The following OXR1 variants were observed in gnomAD, a reference collection of about 807,000 sequenced individuals.
The protein encoded by OXR1 is oxidation resistance protein 1.
A neutral mutation model predicts 104.6 loss-of-function variants in OXR1; 41 were observed. The observed-to-expected ratio is 0.39, with a 90% CI of 0.31 to 0.51. The LOEUF is 0.51. Among genes scored for constraint, OXR1 ranks in the 20% least tolerant of loss-of-function variants. The probability of loss-of-function intolerance (pLI) is 0.77; values close to 1 mark genes in which losing one functional copy is unlikely to be tolerated. For synonymous variants in OXR1, 348 were observed against 348.4 expected (o/e 1.00, Z 0.01); for missense variants, 955 against 1,031.9 (o/e 0.93, Z 1.02).
chr8:106,444,096 C>T (rs1184236427), intron 2 of OXR1, among the ~76,000 whole-genome samples: 1 of 152,044 alleles, frequency 6.6e-6, no homozygotes, highest in East Asian at 1.9e-4. Context: ...AAAAAAAGCT[C>T]AATATGACTG....
In OXR1 at chr8:106,428,077, G is replaced by A. The variant is rs565131846; in HGVS notation, c.23+68441G>A. Among the ~76,000 whole-genome samples the A allele has an allele frequency of 1.1e-4, 16 of 152,132 alleles. No homozygotes were observed. The South Asian group carries it at 3.3e-3, about 32-fold the overall frequency. On this transcript the variant is annotated intron_variant, in intron 2 of 16. Transcript: ENST00000517566. ...GTGGGTGGCTGGTGGCTACCCTATTGGAAGCATAGTTATAAGCAATGGCTT... is the reference window on the plus strand; with the variant it reads ...GTGGGTGGCTGGTGGCTACCCTATTAGAAGCATAGTTATAAGCAATGGCTT...
intron 2 of OXR1, among the ~76,000 whole-genome samples, chr8:106,461,501 G>C (rs1362166504): frequency 2.0e-5 from 3 of 152,108 alleles, no homozygotes; most frequent in African/African-American, 4.8e-5. Context: ...GGAGGTGAAG[G>C]TTACAGTGAG....
chr8:106,460,741 A>G (rs995610436), intron 2 of OXR1, among the ~76,000 whole-genome samples: 1 of 152,206 alleles, frequency 6.6e-6, no homozygotes, highest in Non-Finnish European at 1.5e-5. Flanking sequence ...GTAAGGCAAA[A>G]TCGTTCCCTG....
intron 3 of OXR1, among the ~76,000 whole-genome samples, chr8:106,563,296 C>CAAAAAAAAAAAAAAAAA (rs145929849): frequency 8.0e-6 from 1 of 125,772 alleles, no homozygotes; most frequent in African/African-American, 3.0e-5. Context: ...AAATGGAAAG[C>CAAAAAAAAAAAAAAAAA]AAAAAAAAAA....
chr8:106,602,235 G>A (rs966249635), intron 3 of OXR1, among the ~76,000 whole-genome samples: 5 of 152,198 alleles, frequency 3.3e-5, no homozygotes, highest in African/African-American at 4.8e-5. Context: ...TAGATTTATA[G>A]TAATTGTTGC....
intron 2 of OXR1, among the ~76,000 whole-genome samples, chr8:106,401,138 G>C (rs1280608125): frequency 1.3e-5 from 2 of 152,124 alleles, no homozygotes; most frequent in East Asian, 1.9e-4. Context: ...CACAGTCCTT[G>C]AATGTCATCA....
At chr8:106,641,535 A>C (rs1335581728) in intron 3 of OXR1, among the ~76,000 whole-genome samples, 1 of 152,208 alleles carries the variant, frequency 6.6e-6, no homozygotes. Context: ...CAGAGGTGTA[A>C]GGTGGTTATG....
At chr8:106,283,229 C>G (rs941750851) in intron 1 of OXR1, among the ~76,000 whole-genome samples, 7 of 152,220 alleles carry the variant, frequency 4.6e-5, no homozygotes, top group Non-Finnish European at 8.8e-5. Context: ...TTCTACAGGG[C>G]TTTTCCTATG....
At chr8:106,389,777 C>T (rs990073298) in intron 2 of OXR1, among the ~76,000 whole-genome samples, 3 of 151,906 alleles carry the variant, frequency 2.0e-5, no homozygotes, top group Non-Finnish European at 4.4e-5. Context: ...TAAATTTATC[C>T]ATCATGGGCT....
intron 3 of OXR1, among the ~76,000 whole-genome samples, chr8:106,592,294 ATAAT>A (rs1819161315): frequency 6.6e-6 from 1 of 152,230 alleles, no homozygotes; most frequent in Non-Finnish European, 1.5e-5. Context: ...AAATCAATAA[ATAAT>A]TTAAGAGAAT....
intron 1 of OXR1, among the ~76,000 whole-genome samples, chr8:106,331,946 A>AG (rs397838532): frequency 4.8e-4 from 73 of 151,364 alleles, no homozygotes; most frequent in Non-Finnish European, 5.9e-5. Flanking sequence ...AAAAAAAAAA[A>AG]TGATAATTCT....
chr8:106,715,239 G>T (rs777125409), intron 11 of OXR1, among the ~76,000 whole-genome samples: 6 of 151,608 alleles, frequency 4.0e-5, no homozygotes, highest in Non-Finnish European at 7.4e-5. Context: ...TCATTTACAC[G>T]AAGTTCAAAA....
chr8:106,738,481 A>T (rs1834604857), intron 12 of OXR1, among the ~76,000 whole-genome samples: 1 of 152,116 alleles, frequency 6.6e-6, no homozygotes, highest in South Asian at 2.1e-4. Flanking sequence ...GAACAAAATA[A>T]TTTAGCAAGA....
intron 3 of OXR1, among the ~76,000 whole-genome samples, chr8:106,608,059 A>C (rs1820536701): frequency 6.6e-6 from 1 of 152,180 alleles, no homozygotes; most frequent in South Asian, 2.1e-4. Context: ...AGGCAGGAGT[A>C]TAGCTTGAGG....
chr8:106,579,409 A>G (rs1047572732), intron 3 of OXR1, among the ~76,000 whole-genome samples: 1 of 152,210 alleles, frequency 6.6e-6, no homozygotes, highest in African/African-American at 2.4e-5. Flanking sequence ...CTGCTGAAAT[A>G]AATGAGCAAG....
intron 2 of OXR1, among the ~76,000 whole-genome samples, chr8:106,395,535 GC>G (rs1445484664): frequency 2.0e-5 from 3 of 152,074 alleles, no homozygotes; most frequent in Non-Finnish European, 4.4e-5. Context: ...GGAAAGACTG[GC>G]CCCCATAATT....
chr8:106,270,186 A>C (rs1364281965), upstream of OXR1: 2 of 152,180 alleles, frequency 1.3e-5, no homozygotes, highest in African/African-American at 2.4e-5. Context: ...GCATGTCTGC[A>C]AGCGCTCAGC....
chr8:106,581,404 T>A (rs1354018914), intron 3 of OXR1, among the ~76,000 whole-genome samples: 1 of 152,208 alleles, frequency 6.6e-6, no homozygotes, highest in East Asian at 1.9e-4. Context: ...ATTCGGATAT[T>A]TGTTTAGTGG....
In OXR1 at chr8:106,751,753, G is replaced by A. The variant is rs1835902598; in HGVS notation, c.*812G>A. ...GCATTAACATAAGTACAAAAACTATGAAACAGATGCATATTTCCTCAACAT... is the reference window on the plus strand; with the variant it reads ...GCATTAACATAAGTACAAAAACTATAAAACAGATGCATATTTCCTCAACAT... On this transcript the variant is annotated 3_prime_UTR_variant, in exon 17 of 17. Transcript: ENST00000517566. The A allele has an allele frequency of 6.6e-6, 1 of 152,378 alleles. No individual in the cohort carries two copies. The highest frequency in any genetic ancestry group is 2.1e-4 in the South Asian group (1 of 4,824). The allele number at this position is 152,378 out of a possible 1,614,324, so 9.4% of individuals were successfully genotyped here.
Sources: allele counts gnomAD v4.1 joint callset (sites outside exome capture counted in the v4.1 genomes callset), GRCh38; gene constraint gnomAD v4.1.1; transcripts MANE v1.5; gene names NCBI Gene and HGNC (gene_info 2026-07-23, HGNC 2026-07-21).